TGM3: variants seen among roughly 807,000 people sequenced by gnomAD.
TGM3 encodes the protein protein-glutamine gamma-glutamyltransferase E.
Under a neutral mutation model 73.8 loss-of-function variants are expected in TGM3, and 52 were observed. The ratio of observed to expected loss-of-function variants is 0.70; its 90% CI spans 0.56 to 0.89. The LOEUF (loss-of-function observed/expected upper bound fraction) is 0.89. Among genes scored for constraint, TGM3 ranks in the 40% least tolerant of loss-of-function variants. The pLI, the probability that TGM3 is intolerant of heterozygous loss-of-function variation, is 0.00. For missense variants in TGM3, 928 were observed against 909.9 expected (o/e 1.02, Z -0.26); for synonymous variants, 372 against 354.9 (o/e 1.05, Z -0.54).
intron 4 of TGM3, 49 bp from the exon 5 acceptor site, chr20:2,312,849 C>T (rs1268431837): frequency 5.0e-6 from 8 of 1,608,830 alleles, no homozygotes; most frequent in Admixed American, 1.7e-5. Flanking sequence ...CTTGAGCCAA[C>T]TCTCCTTGTC....
chr20:2,329,695 A>G (rs547637824), intron 9 of TGM3, among the ~76,000 whole-genome samples: 1 of 152,326 alleles, frequency 6.6e-6, no homozygotes, highest in East Asian at 1.9e-4. Flanking sequence ...CCTACCAGCC[A>G]TAATTGTGTG....
intron 1 of TGM3, among the ~76,000 whole-genome samples, chr20:2,299,955 A>T (rs214777): frequency 6.6e-6 from 1 of 152,066 alleles, no homozygotes; most frequent in African/African-American, 2.4e-5. Flanking sequence ...AATTAGTGGG[A>T]CATGCTGGCA....
chr20:2,319,314 C>T (rs916349841), intron 7 of TGM3, among the ~76,000 whole-genome samples: 6 of 152,148 alleles, frequency 3.9e-5, no homozygotes, highest in African/African-American at 1.2e-4. Context: ...AAGCTTAAGT[C>T]TCAGTTCCTC....
At chr20:2,327,476 C>CA (rs1331363474) in intron 8 of TGM3, among the ~76,000 whole-genome samples, 2 of 151,672 alleles carry the variant, frequency 1.3e-5, no homozygotes, top group Non-Finnish European at 2.9e-5. Flanking sequence ...GACTGCATCT[C>CA]AAAAAAACAA....
chr20:2,329,784 C>T (rs905745693), intron 9 of TGM3, among the ~76,000 whole-genome samples: 24 of 152,234 alleles, frequency 1.6e-4, no homozygotes, highest in Middle Eastern at 3.4e-3. Flanking sequence ...CTGTCTTCAG[C>T]GGGATTTAAA....
intron 11 of TGM3, among the ~76,000 whole-genome samples, chr20:2,337,428 T>C (rs1466960640): frequency 6.6e-6 from 1 of 152,150 alleles, no homozygotes; most frequent in Non-Finnish European, 1.5e-5. Context: ...TTAAAAGAAC[T>C]TAGTTTTTGG....
intron 1 of TGM3, among the ~76,000 whole-genome samples, chr20:2,297,561 C>T (rs1259713325): frequency 2.0e-5 from 3 of 152,256 alleles, no homozygotes; most frequent in East Asian, 1.9e-4. Context: ...ATGGCCTGCC[C>T]GCTGTGAGGC....
At chr20:2,327,636 A>G (rs1433422162) in intron 8 of TGM3, among the ~76,000 whole-genome samples, 1 of 152,148 alleles carries the variant, frequency 6.6e-6, no homozygotes, top group East Asian at 1.9e-4. Context: ...CTATCTATCT[A>G]TCTATCTAAG....
At chr20:2,331,597 T>C (rs2084321154) in intron 9 of TGM3, among the ~76,000 whole-genome samples, 1 of 152,220 alleles carries the variant, frequency 6.6e-6, no homozygotes, top group South Asian at 2.1e-4. Context: ...ACCTTGCTTT[T>C]TGGCTTATGA....
In TGM3 at chr20:2,325,840, T is replaced by C. The variant is rs1437669944; in HGVS notation, c.984-9T>C. The C allele has an allele frequency of 2.6e-6, 4 of 1,546,968 alleles. No individual in the cohort carries two copies. Among genetic ancestry groups the C allele is most frequent in the Non-Finnish European group, 3.5e-6 (4 of 1,141,284 alleles). On this transcript the variant is annotated splice_polypyrimidine_tract_variant and intron_variant, in intron 7 of 12. Transcript: ENST00000381458. ...GGGCAAGCGCTGCAGTCTCTGGTTC[T>C]ATCTGCAGGAATTTCCATGTCTGGA...
At chr20:2,306,472 C>CTTTTTTTTTTTTTTTTTTTTTTTTT (rs33929365) in intron 1 of TGM3, among the ~76,000 whole-genome samples, 1 of 129,614 alleles carries the variant, frequency 7.7e-6, no homozygotes, top group African/African-American at 2.8e-5. Context: ...CTTTTCCTTT[C>CTTTTTTTTTTTTTTTTTTTTTTTTT]TTTTTTTTTT....
Position 2,339,992 on chromosome 20 carries a change from G to T in TGM3, c.1934+5G>T. 6.3e-7 allele frequency: 1 copy of T among 1,586,526 alleles called. No homozygotes were observed. Among genetic ancestry groups the T allele is most frequent in the Non-Finnish European group, 8.6e-7 (1 of 1,166,908 alleles). On this transcript the variant is annotated splice_donor_5th_base_variant and intron_variant, in intron 12 of 12. Coordinates refer to ENST00000381458, the MANE Select transcript of TGM3 (RefSeq NM_003245.4). ...GTTGGGTAACCTGAAGATCGAGTGA[G>T]TCCTGGGCCTAAGTGGCCGGTGCAG...
At chr20:2,323,249 C>T (rs764959548) in intron 7 of TGM3, among the ~76,000 whole-genome samples, 4 of 152,318 alleles carry the variant, frequency 2.6e-5, no homozygotes, top group Non-Finnish European at 4.4e-5. Context: ...AAGTCCATTG[C>T]GTCATTCTTA....
At position 2,335,239 on chromosome 20, in the gene TGM3, ACAT is replaced by A; in HGVS notation, c.1771_1773del (p.Ile591del). ...GAGTCTGAGGTGGTGGTGGAGCGGG[ACAT>A]CATCCTGGACAACCCCACCTTGACC... On this transcript the variant is annotated inframe_deletion, in exon 11 of 13. Transcript: ENST00000381458. 1 of 1,614,144 alleles carries A rather than the reference ACAT, an allele frequency of 6.2e-7. No individual in the cohort carries two copies. The highest frequency in any genetic ancestry group is 8.5e-7 in the Non-Finnish European group (1 of 1,180,012).
At chr20:2,310,871 C>A in intron 3 of TGM3, 140 bp from the exon 4 acceptor site, 1 of 711,686 alleles carries the variant, frequency 1.4e-6, no homozygotes, top group Non-Finnish European at 2.5e-6. Flanking sequence ...GGAAGAGTTA[C>A]AGCCCAAGGG....
At chr20:2,331,861 G>C in intron 9 of TGM3, 141 bp from the exon 10 acceptor site, 1 of 957,720 alleles carries the variant, frequency 1.0e-6, no homozygotes, top group African/African-American at 1.6e-5. Flanking sequence ...AGGCGAGCTG[G>C]AGACCTGTGA....
chr20:2,335,422 T>C (rs2122254359), intron 11 of TGM3, 149 bp downstream of exon 11: 3 of 993,712 alleles, frequency 3.0e-6, no homozygotes, highest in Non-Finnish European at 4.4e-6. Context: ...GGGCCCAGCT[T>C]CGGTCCAGCC....
chr20:2,312,937 G>T lies in TGM3; in HGVS notation c.580G>T (p.Asp194Tyr). ...DILSICLSIL[D>Y]RSLNFRRDAA... is the part of the protein sequence containing the mutation. Reference sequence around the variant, plus strand: ...TCTCAGCATCTGCCTCTCAATCTTGGATAGGAGTCTGAATTTCCGCCGTGA... The same window carrying T: ...TCTCAGCATCTGCCTCTCAATCTTGTATAGGAGTCTGAATTTCCGCCGTGA... The change falls in exon 5 of 13, where the codon GAT (aspartate) becomes TAT (tyrosine). Residue 194 changes from aspartate (D) to tyrosine (Y), a missense_variant. Coordinates refer to ENST00000381458, the MANE Select transcript of TGM3 (RefSeq NM_003245.4). 1 of 1,614,146 alleles carries T rather than the reference G, an allele frequency of 6.2e-7. No homozygotes were observed. The highest frequency in any genetic ancestry group is 8.5e-7 in the Non-Finnish European group (1 of 1,180,032).
At position 2,328,330 on chromosome 20, in the gene TGM3, G is replaced by A. The variant is rs551559240; in HGVS notation, c.1298G>A (p.Arg433His). 9.3e-6 allele frequency: 15 copies of A among 1,614,092 alleles called. No homozygotes were observed. Among genetic ancestry groups the A allele is most frequent in the South Asian group, 2.2e-5 (2 of 91,072 alleles). ...ISTKAVGSNA[R>H]MDVTDKYKYP... is the part of the protein sequence containing the mutation. ...ACCAAGGCGGTGGGCAGCAATGCTC[G>A]CATGGACGTCACGGACAAGTACAAG... Residue 433 changes from arginine (R) to histidine (H), a missense_variant, in exon 9 of 13, where the codon CGC becomes CAC. Coordinates refer to ENST00000381458, the MANE Select transcript of TGM3 (RefSeq NM_003245.4). This position sits in a 1 kb window ranked among gnomAD's most constrained non-coding sequence, Gnocchi z 5.2.
Sources: gnomAD v4.1 joint callset for allele counts (sites outside exome capture counted in the v4.1 genomes callset) on GRCh38, gnomAD v4.1.1 for gene constraint, Gnocchi (gnomAD v3.1) non-coding constraint, MANE v1.5 for transcripts, NCBI Gene and HGNC (gene_info 2026-07-23, HGNC 2026-07-21) for gene names.